The following TENM2 variants were observed in gnomAD, a reference collection of about 807,000 sequenced individuals.
The protein encoded by TENM2 is teneurin transmembrane protein 2, also known as teneurin-2.
Under a neutral mutation model 245.2 loss-of-function variants are expected in TENM2, and 52 were observed. The observed-to-expected ratio is 0.21, with a 90% CI of 0.17 to 0.27. The LOEUF (loss-of-function observed/expected upper bound fraction) is 0.27, where lower values mean the gene tolerates loss of function less well. TENM2 is among the 10% of genes least tolerant of loss of function. The probability of loss-of-function intolerance (pLI) is 1.00; values close to 1 mark genes in which losing one functional copy is unlikely to be tolerated. For missense variants in TENM2, 3,046 were observed against 3,666.8 expected (o/e 0.83, Z 4.37); for synonymous variants, 1,363 against 1,438.9 (o/e 0.95, Z 1.19).
At chr5:167,047,568 A>C in the TENM2 span, among the ~76,000 whole-genome samples, 1 of 152,362 alleles carries the variant, frequency 6.6e-6, no homozygotes, top group East Asian at 1.9e-4. Context: ...AATTAAAGGC[A>C]GGTATTAGGA....
the TENM2 span, among the ~76,000 whole-genome samples, chr5:167,233,800 G>A: frequency 6.6e-6 from 1 of 152,058 alleles, no homozygotes; most frequent in Non-Finnish European, 1.5e-5. Flanking sequence ...AGAAAATTAT[G>A]TCTAATTTTT....
chr5:167,044,695 G>A, the TENM2 span, among the ~76,000 whole-genome samples: 1 of 152,198 alleles, frequency 6.6e-6, no homozygotes, highest in Non-Finnish European at 1.5e-5. Context: ...AACCAGCGGG[G>A]CTCATATTTC....
In TENM2 at chr5:167,445,328, T is replaced by TAGAGAGAGAG. The variant is rs1324065066; in HGVS notation, c.502+69856_502+69857insGAGAGAGAGA. On this transcript the variant is annotated intron_variant, in intron 2 of 28. Coordinates refer to ENST00000518659, the Ensembl canonical transcript of TENM2. Reference sequence around the variant, plus strand: ...CCATATGATTATATATATATATATATATATATATAGAGAGAGAGAGAGAGA... The same window carrying TAGAGAGAGAG: ...CCATATGATTATATATATATATATATAGAGAGAGAGATATATATAGAGAGAGAGAGAGAGA... Among the ~76,000 whole-genome samples the TAGAGAGAGAG allele has an allele frequency of 3.7e-3, 121 of 33,030 alleles. 1 individual carries two copies. Among genetic ancestry groups the TAGAGAGAGAG allele is most frequent in the Non-Finnish European group, 4.8e-3 (99 of 20,774 alleles). 21.7% of individuals were successfully genotyped at this position (33,030 alleles called of 152,430 possible).
chr5:167,449,985 G>A lies in TENM2; in HGVS notation c.502+74512G>A, dbSNP rs374466943. ...AAGAAAAAAGAAAAAAGGAAATGAAGCATTCCCTTTGTTGAATATAAGGTA... is the reference window on the plus strand; with the variant it reads ...AAGAAAAAAGAAAAAAGGAAATGAAACATTCCCTTTGTTGAATATAAGGTA... On this transcript the variant is annotated intron_variant, in intron 2 of 28. Coordinates refer to ENST00000518659, the Ensembl canonical transcript of TENM2. 2.0e-4 allele frequency among the ~76,000 whole-genome samples: 31 copies of A among 152,132 alleles called. No homozygotes were observed. The South Asian group carries it at 5.8e-3, about 28-fold the overall frequency.
At chr5:167,027,724 C>T in the TENM2 span, among the ~76,000 whole-genome samples, 1 of 152,104 alleles carries the variant, frequency 6.6e-6, no homozygotes, top group African/African-American at 2.4e-5. Context: ...TAAAATCTTA[C>T]AGGCAAAGAT....
At chr5:167,752,722 G>A (rs1250752324) in intron 2 of TENM2, among the ~76,000 whole-genome samples, 1 of 152,168 alleles carries the variant, frequency 6.6e-6, no homozygotes, top group Non-Finnish European at 1.5e-5. Context: ...AGCGTGGCTA[G>A]TCACCTAAGC....
chr5:167,290,630 A>C (rs1731692569), intron 1 of TENM2, among the ~76,000 whole-genome samples: 1 of 152,142 alleles, frequency 6.6e-6, no homozygotes, highest in Non-Finnish European at 1.5e-5. Flanking sequence ...TCTATCCACC[A>C]TACATTTCTT....
chr5:167,263,588 CT>C, the TENM2 span, among the ~76,000 whole-genome samples: 1 of 152,054 alleles, frequency 6.6e-6, no homozygotes, highest in Non-Finnish European at 1.5e-5. Flanking sequence ...TAAATGTGTC[CT>C]TAATCATTTA....
intron 2 of TENM2, among the ~76,000 whole-genome samples, chr5:167,442,314 CTAT>C (rs2127461082): frequency 6.6e-6 from 1 of 152,236 alleles, no homozygotes; most frequent in South Asian, 2.1e-4. Context: ...ACTATTCATA[CTAT>C]TATTTGCAAT....
At chr5:167,488,773 C>T (rs922960272) in intron 2 of TENM2, among the ~76,000 whole-genome samples, 1 of 152,096 alleles carries the variant, frequency 6.6e-6, no homozygotes, top group Non-Finnish European at 1.5e-5. Flanking sequence ...CAGCTGCTTA[C>T]TTAGTATGTC....
intron 25 of TENM2, 100 bp downstream of exon 27, chr5:168,228,230 G>GAT: frequency 1.1e-6 from 1 of 935,038 alleles, no homozygotes; most frequent in Non-Finnish European, 1.7e-6. Flanking sequence ...AGTGGGAGGG[G>GAT]ATATACACTT....
intron 23 of TENM2, among the ~76,000 whole-genome samples, chr5:168,224,470 C>A (rs1399415795): frequency 1.3e-5 from 2 of 152,230 alleles, no homozygotes; most frequent in Non-Finnish European, 2.9e-5. Flanking sequence ...TTTCTCAGAT[C>A]CCTGAAAGCC....
chr5:168,216,911 G>T, exon 22 of TENM2: 2 of 1,613,948 alleles, frequency 1.2e-6, no homozygotes, highest in South Asian at 1.1e-5. Context: ...TTCCAGCATG[G>T]ATGTAGCCCA....
the TENM2 span, among the ~76,000 whole-genome samples, chr5:167,045,527 C>T: frequency 1.3e-5 from 2 of 152,168 alleles, no homozygotes; most frequent in Admixed American, 1.3e-4. Flanking sequence ...CACCTTGCAG[C>T]CCTGCCCTGG....
intron 25 of TENM2, among the ~76,000 whole-genome samples, chr5:168,236,708 A>G (rs1269846622): frequency 1.3e-5 from 2 of 151,552 alleles, no homozygotes; most frequent in East Asian, 3.9e-4. Context: ...CAGGGGTCAT[A>G]ACTGTCTTGT....
chr5:167,009,400 A>G, the TENM2 span, among the ~76,000 whole-genome samples: 1 of 152,204 alleles, frequency 6.6e-6, no homozygotes, highest in Admixed American at 6.5e-5. Context: ...AATTACAAGT[A>G]TAAAAATATT....
chr5:168,114,891 G>A (rs1357599389), intron 9 of TENM2, among the ~76,000 whole-genome samples: 1 of 152,154 alleles, frequency 6.6e-6, no homozygotes, highest in Non-Finnish European at 1.5e-5. Context: ...TTTTAAATTT[G>A]ATTTCCCAAG....
intron 3 of TENM2, among the ~76,000 whole-genome samples, chr5:167,940,473 T>C (rs1353424619): frequency 1.3e-5 from 2 of 152,198 alleles, no homozygotes. Context: ...GATGATAAGA[T>C]GACTGATGCT....
chr5:167,667,998 AGATATTGATCTTTCATCTCAG>A (rs1413753546), intron 2 of TENM2, among the ~76,000 whole-genome samples: 1 of 152,206 alleles, frequency 6.6e-6, no homozygotes, highest in East Asian at 1.9e-4. Flanking sequence ...AAATCAAATA[AGATATTGATCTTTCATCTCAG>A]GAGAAAGTCT....
Sources: allele counts gnomAD v4.1 joint callset (sites outside exome capture counted in the v4.1 genomes callset), GRCh38; gene constraint gnomAD v4.1.1; transcripts MANE v1.5; gene names NCBI Gene and HGNC (gene_info 2026-07-23, HGNC 2026-07-21).